MYL12A: variants seen among roughly 807,000 people sequenced by gnomAD.
MYL12A encodes the protein myosin regulatory light chain 12A.
MYL12A carries 11 observed loss-of-function variants against 13.3 expected under a neutral mutation model. The ratio of observed to expected loss-of-function variants is 0.83; its 90% CI spans 0.52 to 1.37. The LOEUF is 1.37. Among genes scored for constraint, MYL12A ranks in the 40% most tolerant of loss-of-function variants. MYL12A has a pLI of 0.00. For synonymous variants in MYL12A, 51 were observed against 69.9 expected (o/e 0.73, Z 1.35); for missense variants, 146 against 212.3 (o/e 0.69, Z 1.94).
Position 3,253,933 on chromosome 18 carries a change from G to T in MYL12A, c.226G>T (p.Ala76Ser). 1 of 1,613,434 alleles carries T rather than the reference G, an allele frequency of 6.2e-7. No individual in the cohort carries two copies. The highest frequency in any genetic ancestry group is 8.5e-7 in the Non-Finnish European group (1 of 1,179,844). Residue 76 changes from alanine to serine, a missense_variant, in exon 3 of 4, where the codon GCT (alanine) becomes TCT (serine). Physicochemically the swap from Ala to Ser is moderately conservative, Grantham distance 99. Transcript: ENST00000217652. ...GTATCTAGATGCCATGATGAATGAG[G>T]CTCCAGGCCCCATCAATTTCACCAT... is the stretch of plus-strand genomic sequence containing the variant. ...DEYLDAMMNE[A>S]PGPINFTMFL...
chr18:3,252,407 A>G, intron 1 of MYL12A: 2 of 1,433,550 alleles, frequency 1.4e-6, no homozygotes, highest in Non-Finnish European at 9.3e-7. Flanking sequence ...TTGAGTATTG[A>G]AAATTGCCTT....
At chr18:3,248,012 G>C (rs1311794384) in intron 1 of MYL12A, 103 bp downstream of exon 1, 1 of 152,314 alleles carries the variant, frequency 6.6e-6, no homozygotes, top group Non-Finnish European at 1.5e-5. Context: ...TAGCGCACCT[G>C]GGCAGGTGTG....
intron 1 of MYL12A, among the ~76,000 whole-genome samples, chr18:3,251,683 A>AC (rs1454726058): frequency 6.6e-6 from 1 of 152,154 alleles, no homozygotes; most frequent in African/African-American, 2.4e-5. Flanking sequence ...GGGATTTACT[A>AC]CCCCCAAAGG....
intron 1 of MYL12A, among the ~76,000 whole-genome samples, chr18:3,251,506 T>C (rs978362485): frequency 2.0e-5 from 3 of 152,224 alleles, no homozygotes; most frequent in Admixed American, 6.5e-5. Flanking sequence ...ATTAAAGCGA[T>C]ATGGACTGGT....
rs751954733 is a variant in MYL12A at position 3,253,917 on chromosome 18, T to C, written c.210T>C (p.Asp70=). 26 of 1,610,548 alleles carry C rather than the reference T, an allele frequency of 1.6e-5. No individual in the cohort carries two copies. Among genetic ancestry groups the C allele is most frequent in the Non-Finnish European group, 2.2e-5 (26 of 1,179,232 alleles). ...LGKNPTDEYL[D]AMMNEAPGPI... ...AGAATCCAACTGATGAGTATCTAGA[T>C]GCCATGATGAATGAGGCTCCAGGCC... Residue 70 remains aspartate, a synonymous_variant, in exon 3 of 4, where the codon GAT becomes GAC. Coordinates refer to ENST00000217652, the MANE Select transcript of MYL12A (RefSeq NM_006471.4).
chr18:3,254,732 C>T (rs2081520329), intron 3 of MYL12A, among the ~76,000 whole-genome samples: 1 of 152,210 alleles, frequency 6.6e-6, no homozygotes, highest in Non-Finnish European at 1.5e-5. Flanking sequence ...ATATAGGGGC[C>T]TGATCCTTTG....
intron 1 of MYL12A, chr18:3,249,539 C>G (rs918892751): frequency 6.6e-6 from 1 of 152,220 alleles, no homozygotes; most frequent in Non-Finnish European, 1.5e-5. Flanking sequence ...GAAGCCTGTT[C>G]TGTAAGTCTC....
At chr18:3,252,844 T>G (rs1345272421) in intron 1 of MYL12A, among the ~76,000 whole-genome samples, 1 of 152,204 alleles carries the variant, frequency 6.6e-6, no homozygotes, top group Admixed American at 6.5e-5. Flanking sequence ...CTTACTATTC[T>G]TCACCTTTCT....
chr18:3,253,572 G>T, intron 2 of MYL12A, 144 bp downstream of exon 2: 3 of 1,005,556 alleles, frequency 3.0e-6, no homozygotes, highest in Non-Finnish European at 4.3e-6. Flanking sequence ...GTTTCCCACC[G>T]GATCACCAGC....
intron 1 of MYL12A, chr18:3,252,416 T>C: frequency 7.0e-7 from 1 of 1,419,640 alleles, no homozygotes; most frequent in Non-Finnish European, 9.4e-7. Context: ...GAAAATTGCC[T>C]TTTTATTTTA....
chr18:3,254,045 C>T lies in MYL12A; in HGVS notation c.338C>T (p.Ala113Val). Reference sequence around the variant, plus strand: ...GCCTTTGCTTGCTTTGATGAAGAAGCAACTGGTAAGTGAGAGGTAACCTTT... The same window carrying T: ...GCCTTTGCTTGCTTTGATGAAGAAGTAACTGGTAAGTGAGAGGTAACCTTT... Reference protein sequence around the residue: ...RNAFACFDEEATGTIQEDYLR... With the variant: ...RNAFACFDEEVTGTIQEDYLR... The change falls in exon 3 of 4, where the codon GCA becomes GTA. Residue 113 changes from alanine (A) to valine (V), a missense_variant. Physicochemically the swap from Ala to Val is moderately conservative, Grantham distance 64 (BLOSUM62 0). Coordinates refer to ENST00000217652, the MANE Select transcript of MYL12A (RefSeq NM_006471.4). The T allele has an allele frequency of 6.2e-7, 1 of 1,611,948 alleles. No homozygotes were observed.
Position 3,253,402 on chromosome 18 carries a change from A to ATT in MYL12A, c.157_158dup (p.Leu53PhefsTer18), listed in dbSNP as rs2081506439. ...AGAGATGGTTTCATCGACAAGGAAGATTTGCATGATATGCTTGCTTCATTG... is the reference window on the plus strand; with the variant it reads ...AGAGATGGTTTCATCGACAAGGAAGATTTTTGCATGATATGCTTGCTTCATTG... On this transcript the variant is annotated frameshift_variant, in exon 2 of 4. Coordinates refer to ENST00000217652, the MANE Select transcript of MYL12A (RefSeq NM_006471.4). LOFTEE classifies it high-confidence loss of function. The ATT allele has an allele frequency of 6.2e-7, 1 of 1,613,464 alleles. No individual in the cohort carries two copies. Among genetic ancestry groups the ATT allele is most frequent in the Admixed American group, 1.7e-5 (1 of 59,932 alleles).
intron 1 of MYL12A, among the ~76,000 whole-genome samples, chr18:3,250,378 G>A (rs1253635666): frequency 6.6e-6 from 1 of 152,202 alleles, no homozygotes; most frequent in Non-Finnish European, 1.5e-5. Context: ...TCAGCAAAGA[G>A]GACCCTGACA....
At chr18:3,255,311 T>G (rs1398480362) in intron 3 of MYL12A, 1 of 153,150 alleles carries the variant, frequency 6.5e-6, no homozygotes, top group Non-Finnish European at 1.5e-5. Context: ...CCGGTATTCT[T>G]TCCACTGTAC....
intron 3 of MYL12A, among the ~76,000 whole-genome samples, chr18:3,255,089 G>A (rs2081523729): frequency 6.6e-6 from 1 of 152,196 alleles, no homozygotes; most frequent in South Asian, 2.1e-4. Flanking sequence ...GCTTACCACT[G>A]CACATCCCCA....
intron 3 of MYL12A, 22 bp downstream of exon 3, chr18:3,254,072 A>G (rs918798111): frequency 6.3e-7 from 1 of 1,598,270 alleles, no homozygotes; most frequent in Non-Finnish European, 8.5e-7. Context: ...GTAACCTTTA[A>G]TTATAAAGTG....
intron 2 of MYL12A, 123 bp from the exon 3 acceptor site, chr18:3,253,766 C>T: frequency 1.8e-6 from 2 of 1,119,070 alleles, no homozygotes; most frequent in Non-Finnish European, 2.5e-6. Flanking sequence ...AATAGTTTCA[C>T]TCTCATGAGT....
At chr18:3,254,837 C>T (rs150635885) in intron 3 of MYL12A, among the ~76,000 whole-genome samples, 110 of 152,366 alleles carry the variant, frequency 7.2e-4, no homozygotes, top group African/African-American at 2.2e-3. Flanking sequence ...TGAAGGAAGG[C>T]ACAATCTTTG....
At chr18:3,250,610 C>T (rs556109366) in intron 1 of MYL12A, among the ~76,000 whole-genome samples, 1 of 152,282 alleles carries the variant, frequency 6.6e-6, no homozygotes, top group South Asian at 2.1e-4. Flanking sequence ...AAGTAAAGGC[C>T]TAGGTAGTAA....
Sources: allele counts gnomAD v4.1 joint callset (sites outside exome capture counted in the v4.1 genomes callset), GRCh38; gene constraint gnomAD v4.1.1; transcripts MANE v1.5; gene names NCBI Gene and HGNC (gene_info 2026-07-23, HGNC 2026-07-21).